PDLIM2: variants seen among roughly 807,000 people sequenced by gnomAD.
The protein encoded by PDLIM2 is PDZ and LIM domain 2, also known as PDZ and LIM domain protein 2.
A neutral mutation model predicts 54.1 loss-of-function variants in PDLIM2; 51 were observed. The observed-to-expected ratio is 0.94, with a 90% CI of 0.75 to 1.19. The LOEUF is 1.19. PDLIM2 is among the 50% of genes most tolerant of loss of function. The probability of loss-of-function intolerance (pLI) is 0.00; values close to 1 mark genes in which losing one functional copy is unlikely to be tolerated. For synonymous variants in PDLIM2, 398 were observed against 385.6 expected (o/e 1.03, Z -0.38); for missense variants, 912 against 874.0 (o/e 1.04, Z -0.55).
chr8:22,590,984 G>C (rs569560866), intron 8 of PDLIM2: 2 of 160,968 alleles, frequency 1.2e-5, no homozygotes, highest in East Asian at 1.9e-4. Context: ...AGAGGCACAG[G>C]GGGTGGGGTG....
rs530039600 is a variant in PDLIM2, at chr8:22,583,854, G to GAA, written c.996-938_996-937dup. On this transcript the variant is annotated intron_variant, in intron 3 of 9. Transcript: ENST00000308354. ...TCAGTGACAAAGTCCAGGCAAAATA[G>GAA]AAAAAAAAAAAAAAAAAAAAAAAAA... 6.1e-4 allele frequency among the ~76,000 whole-genome samples: 48 copies of GAA among 79,122 alleles called. 2 individuals carry two copies. Among genetic ancestry groups the GAA allele is most frequent in the South Asian group, 1.2e-3 (3 of 2,414 alleles). The allele number at this position is 79,122 out of a possible 152,430, so 51.9% of individuals were successfully genotyped here.
In PDLIM2 at chr8:22,593,991, C is replaced by T. The variant is rs916910477; in HGVS notation, c.*81C>T. On this transcript the variant is annotated 3_prime_UTR_variant, in exon 10 of 10. Coordinates refer to ENST00000308354, the Ensembl canonical transcript of PDLIM2. ...TTGGCATGGCAGGGACAATGGTGGG[C>T]AGTTGCTCTTACATGAGCTAAGTTT... is the stretch of plus-strand genomic sequence containing the variant. The T allele has an allele frequency of 5.4e-6, 8 of 1,488,168 alleles. No homozygotes were observed. In the South Asian group the frequency reaches 9.1e-5, roughly 17 times the overall value. The allele number at this position is 1,488,168 out of a possible 1,614,324, so 92.2% of individuals were successfully genotyped here.
In PDLIM2 at chr8:22,589,749, T is replaced by C; in HGVS notation, c.1513+8T>C. The C allele has an allele frequency of 1.3e-6, 2 of 1,560,316 alleles. No homozygotes were observed. The highest frequency in any genetic ancestry group is 8.7e-7 in the Non-Finnish European group (1 of 1,152,112). ...TGGAGGCTGAGGAGAGAGGTGAGGG[T>C]CTGGGGGGCTGGGGAGGGGAAGGAG... On this transcript the variant is annotated splice_region_variant and intron_variant, in intron 8 of 9. Coordinates refer to ENST00000308354, the Ensembl canonical transcript of PDLIM2.
chr8:22,584,169 A>AT (rs1800298604), intron 3 of PDLIM2, among the ~76,000 whole-genome samples: 1 of 146,146 alleles, frequency 6.8e-6, no homozygotes, highest in Non-Finnish European at 1.5e-5. Context: ...GGCTTGGCTA[A>AT]ATTTTTTTTT....
At chr8:22,582,047 A>C (rs1006556255) in intron 3 of PDLIM2, among the ~76,000 whole-genome samples, 4 of 152,064 alleles carry the variant, frequency 2.6e-5, no homozygotes, top group Non-Finnish European at 5.9e-5. Context: ...GGTTACTCCT[A>C]GGGTTTTGAG....
At chr8:22,591,623 C>A (rs1339332278) in exon 9 of PDLIM2, 5 of 1,613,398 alleles carry the variant, frequency 3.1e-6, no homozygotes, top group Non-Finnish European at 3.4e-6. Context: ...GCCCTGGCCA[C>A]CCCTCCCAAG....
chr8:22,592,027 C>T (rs925751815), intron 9 of PDLIM2: 6 of 178,824 alleles, frequency 3.4e-5, no homozygotes, highest in Admixed American at 1.3e-4. Flanking sequence ...GCATTTTTCC[C>T]GATGTGGGCT....
At chr8:22,592,713 A>C (rs566037903) in intron 9 of PDLIM2, 2 of 152,304 alleles carry the variant, frequency 1.3e-5, no homozygotes, top group East Asian at 3.9e-4. Context: ...CCTCTCCAGG[A>C]GGCCAACAGG....
At chr8:22,582,229 A>G (rs1261590197) in intron 3 of PDLIM2, among the ~76,000 whole-genome samples, 1 of 152,178 alleles carries the variant, frequency 6.6e-6, no homozygotes, top group Non-Finnish European at 1.5e-5. Context: ...CACCTCTTGC[A>G]TCCTGGCCAC....
At chr8:22,593,989 G>A in exon 10 of PDLIM2, 1 of 1,490,752 alleles carries the variant, frequency 6.7e-7, no homozygotes, top group South Asian at 1.3e-5. Flanking sequence ...GACAATGGTG[G>A]GCAGTTGCTC....
intron 3 of PDLIM2, among the ~76,000 whole-genome samples, chr8:22,582,808 C>A (rs1800246337): frequency 6.6e-6 from 1 of 151,914 alleles, no homozygotes; most frequent in Non-Finnish European, 1.5e-5. Context: ...TCTCGATCTC[C>A]TGACCTCGTG....
At chr8:22,581,251 G>C in intron 2 of PDLIM2, 128 bp from the exon 2 acceptor site, 5 of 1,222,564 alleles carry the variant, frequency 4.1e-6, no homozygotes, top group South Asian at 1.5e-5. Context: ...TGAGCAGGCA[G>C]AGGGACATGC....
chr8:22,585,413 G>C lies in PDLIM2; in HGVS notation c.1290+14G>C. 1.9e-6 allele frequency: 3 copies of C among 1,599,708 alleles called. No homozygotes were observed. Among genetic ancestry groups the C allele is most frequent in the Non-Finnish European group, 2.6e-6 (3 of 1,172,828 alleles). On this transcript the variant is annotated intron_variant, in intron 6 of 9. Transcript: ENST00000308354. ...GGAAGCCGACAGGTGAGGCTCCCTGGGGGAGGACAGGCTGGAGGAACAGAA... is the reference window on the plus strand; with the variant it reads ...GGAAGCCGACAGGTGAGGCTCCCTGCGGGAGGACAGGCTGGAGGAACAGAA...
At chr8:22,589,683 C>G in exon 8 of PDLIM2, 1 of 1,575,458 alleles carries the variant, frequency 6.3e-7, no homozygotes, top group Non-Finnish European at 8.6e-7. Context: ...GACGGGCGGC[C>G]CCCCGACAGT....
At chr8:22,585,554 A>G in intron 6 of PDLIM2, 155 bp downstream of exon 5, 2 of 563,756 alleles carry the variant, frequency 3.5e-6, no homozygotes, top group Non-Finnish European at 5.4e-6. Flanking sequence ...TGAGCCAGGG[A>G]GGCCATGCTT....
At chr8:22,578,828 C>T (rs1265712057) in exon 1 of PDLIM2, 7 of 1,234,260 alleles carry the variant, frequency 5.7e-6, no homozygotes, top group Non-Finnish European at 6.1e-6. Context: ...TATGGGGCTG[C>T]CCCCTCGATC....
chr8:22,582,200 G>T (rs544126651), intron 3 of PDLIM2, among the ~76,000 whole-genome samples: 8 of 152,318 alleles, frequency 5.3e-5, no homozygotes, highest in African/African-American at 1.9e-4. Context: ...CTCTGCACGG[G>T]CCTAGAACCT....
intron 8 of PDLIM2, chr8:22,590,483 T>G (rs895791542): frequency 6.6e-6 from 1 of 152,216 alleles, no homozygotes; most frequent in Non-Finnish European, 1.5e-5. Context: ...CCAGCTCCCA[T>G]GGAAGTGAGC....
At chr8:22,579,426 G>C in exon 1 of PDLIM2, 1 of 1,515,720 alleles carries the variant, frequency 6.6e-7, no homozygotes, top group South Asian at 1.2e-5. Context: ...AGGGTACTTT[G>C]CCCTCGGAGC....
Sources: allele counts gnomAD v4.1 joint callset (sites outside exome capture counted in the v4.1 genomes callset), GRCh38; gene constraint gnomAD v4.1.1; transcripts MANE v1.5; gene names NCBI Gene and HGNC (gene_info 2026-07-23, HGNC 2026-07-21).